BANP: variants seen among roughly 807,000 people sequenced by gnomAD.
BANP encodes protein BANP.
A neutral mutation model predicts 68.1 loss-of-function variants in BANP; 11 were observed. That is an observed-to-expected ratio of 0.16 (90% CI 0.10 to 0.27). The LOEUF (loss-of-function observed/expected upper bound fraction) is 0.27, where lower values mean the gene tolerates loss of function less well. Among genes scored for constraint, BANP ranks in the 10% least tolerant of loss-of-function variants. The probability of loss-of-function intolerance (pLI) is 1.00; values close to 1 mark genes in which losing one functional copy is unlikely to be tolerated. For missense variants in BANP, 504 were observed against 722.7 expected (o/e 0.70, Z 3.47); for synonymous variants, 329 against 303.2 (o/e 1.09, Z -0.88).
chr16:87,993,395 T>G (rs2066376270), intron 4 of BANP, among the ~76,000 whole-genome samples: 1 of 151,826 alleles, frequency 6.6e-6, no homozygotes, highest in African/African-American at 2.4e-5. Context: ...TCCCATTTAT[T>G]CACCTATTCA....
chr16:88,022,381 C>G (rs983898469), intron 7 of BANP, among the ~76,000 whole-genome samples: 8 of 152,288 alleles, frequency 5.3e-5, no homozygotes, highest in Non-Finnish European at 1.2e-4. Context: ...ATGGCCGATC[C>G]CCATGAGACC....
chr16:88,038,717 G>T (rs752572093), intron 11 of BANP, among the ~76,000 whole-genome samples: 2 of 152,254 alleles, frequency 1.3e-5, no homozygotes, highest in Admixed American at 1.3e-4. Flanking sequence ...GGAGGGTGTT[G>T]CTGTGCAGGA....
chr16:88,034,069 A>C (rs1301050962), intron 9 of BANP, among the ~76,000 whole-genome samples: 1 of 152,102 alleles, frequency 6.6e-6, no homozygotes, highest in Admixed American at 6.5e-5. Flanking sequence ...ATGGTCCTCC[A>C]CTATTGAGAG....
At chr16:87,963,156 G>A (rs6540128) in intron 1 of BANP, among the ~76,000 whole-genome samples, 102,150 of 151,680 alleles carry the variant, frequency 0.67, 35,190 homozygotes, top group African/African-American at 0.8. Flanking sequence ...CACAGAAGCC[G>A]TCTGAGGAGA....
intron 4 of BANP, among the ~76,000 whole-genome samples, chr16:87,985,947 G>A (rs1410859354): frequency 6.6e-6 from 1 of 152,224 alleles, no homozygotes; most frequent in African/African-American, 2.4e-5. Context: ...GTTGAATAGA[G>A]TAAGATTCTG....
chr16:88,031,524 C>G (rs1320230278), intron 8 of BANP, among the ~76,000 whole-genome samples: 2 of 151,822 alleles, frequency 1.3e-5, no homozygotes, highest in Admixed American at 6.6e-5. Flanking sequence ...TGGTGGGTGC[C>G]TGTAATCCCA....
rs1001176099 is a variant in BANP, at chr16:88,071,544, G to A, written c.1378-525G>A. 1.5e-5 allele frequency: 7 copies of A among 456,512 alleles called. No individual in the cohort carries two copies. Among genetic ancestry groups the A allele is most frequent in the Middle Eastern group, 6.5e-4 (2 of 3,092 alleles). The allele number at this position is 456,512 out of a possible 1,614,324, so 28.3% of individuals were successfully genotyped here. ...TTGGAACTGGGCCTCACTTTCCTGC[G>A]AGCTTCTGCTGGGTTCTCAGTGCCC... On this transcript the variant is annotated intron_variant, in intron 12 of 13. Transcript: ENST00000682872. This position sits in a 1 kb window ranked among gnomAD's most constrained non-coding sequence, Gnocchi z 6.5.
chr16:87,986,121 C>G (rs949164314), intron 4 of BANP, among the ~76,000 whole-genome samples: 1 of 152,168 alleles, frequency 6.6e-6, no homozygotes, highest in African/African-American at 2.4e-5. Context: ...GAATCTTGAC[C>G]ACCAAAGATG....
chr16:88,014,041 G>A (rs541759807), intron 6 of BANP, among the ~76,000 whole-genome samples: 9 of 152,326 alleles, frequency 5.9e-5, no homozygotes, highest in South Asian at 4.1e-4. Context: ...CACTCCAGGC[G>A]GGAGATTCCT....
intron 8 of BANP, among the ~76,000 whole-genome samples, chr16:88,029,456 A>G (rs1159133329): frequency 6.7e-6 from 1 of 149,850 alleles, no homozygotes; most frequent in Non-Finnish European, 1.5e-5. Flanking sequence ...AAAAGTGTCA[A>G]AAAAATTAGC....
intron 11 of BANP, among the ~76,000 whole-genome samples, chr16:88,045,105 A>G (rs8049078): frequency 0.024 from 3,631 of 152,368 alleles, 149 homozygotes; most frequent in African/African-American, 0.082. Flanking sequence ...ATCACATTCA[A>G]TCTAAGAAAA....
chr16:87,972,729 C>T (rs1227542336), intron 1 of BANP, among the ~76,000 whole-genome samples: 2 of 152,160 alleles, frequency 1.3e-5, no homozygotes, highest in African/African-American at 4.8e-5. Flanking sequence ...TCTGTTCTCC[C>T]CTCCCACCTT....
At position 88,036,845 on chromosome 16, in the gene BANP, G is replaced by A. The variant is rs1347249350; in HGVS notation, c.1273-1128G>A. Among the ~76,000 whole-genome samples, 2 of 152,130 alleles carry A rather than the reference G, an allele frequency of 1.3e-5. No individual in the cohort carries two copies. The highest frequency in any genetic ancestry group is 2.9e-5 in the Non-Finnish European group (2 of 68,010). The stretch of plus-strand genomic sequence containing the variant: ...CCTTCCCTGTTCTGTGTCTGTGGGT[G>A]GGTCAGGGACCATCTCCTTGGAGAT... On this transcript the variant is annotated intron_variant, in intron 10 of 13. Coordinates refer to ENST00000682872, the MANE Select transcript of BANP (RefSeq NM_001386991.1). This position sits in a 1 kb window ranked among gnomAD's most constrained non-coding sequence, Gnocchi z 4.2.
At chr16:87,966,757 G>A (rs72631407) in intron 1 of BANP, 31,846 of 152,204 alleles carry the variant, frequency 0.21, 3,837 homozygotes, top group East Asian at 0.49. Flanking sequence ...CTCTGGACCC[G>A]GGGCTGTTTG....
At chr16:87,958,996 C>G (rs999846910) in intron 1 of BANP, among the ~76,000 whole-genome samples, 1 of 152,220 alleles carries the variant, frequency 6.6e-6, no homozygotes, top group Non-Finnish European at 1.5e-5. Context: ...GGAGCAACCT[C>G]AGCATGATGT....
At chr16:88,072,245 G>A in intron 13 of BANP, 33 bp downstream of exon 13, 3 of 1,579,278 alleles carry the variant, frequency 1.9e-6, no homozygotes, top group Non-Finnish European at 2.6e-6. Context: ...GGACACTGAA[G>A]TGATGGCATG....
intron 2 of BANP, among the ~76,000 whole-genome samples, chr16:87,977,086 C>T (rs1411979041): frequency 6.6e-6 from 1 of 152,060 alleles, no homozygotes; most frequent in Non-Finnish European, 1.5e-5. Context: ...TCCTTAAATG[C>T]CTAAGAACTG....
intron 11 of BANP, among the ~76,000 whole-genome samples, chr16:88,061,325 G>A (rs1395629560): frequency 6.6e-6 from 1 of 152,226 alleles, no homozygotes; most frequent in African/African-American, 2.4e-5. Context: ...CCTGAAGGAC[G>A]ATTGTCTAAA....
chr16:88,028,966 T>TA (rs1224222175), intron 8 of BANP, among the ~76,000 whole-genome samples: 2 of 152,218 alleles, frequency 1.3e-5, no homozygotes, highest in Non-Finnish European at 2.9e-5. Flanking sequence ...GTTTCTCAGT[T>TA]ATTTCCAATA....
Sources: gnomAD v4.1 joint callset for allele counts (sites outside exome capture counted in the v4.1 genomes callset) on GRCh38, gnomAD v4.1.1 for gene constraint, Gnocchi (gnomAD v3.1) non-coding constraint, MANE v1.5 for transcripts, NCBI Gene and HGNC (gene_info 2026-07-23, HGNC 2026-07-21) for gene names.